ARAP2: variants seen among roughly 807,000 people sequenced by gnomAD.
The protein encoded by ARAP2 is arf-GAP with Rho-GAP domain, ANK repeat and PH domain-containing protein 2.
ARAP2 carries 148 observed loss-of-function variants against 194.5 expected under a neutral mutation model. The ratio of observed to expected loss-of-function variants is 0.76; its 90% CI spans 0.67 to 0.87. The LOEUF (loss-of-function observed/expected upper bound fraction) is 0.87. Among genes scored for constraint, ARAP2 ranks in the 40% least tolerant of loss-of-function variants. ARAP2 has a pLI of 0.00. For synonymous variants in ARAP2, 695 were observed against 683.5 expected, an observed-to-expected ratio of 1.02 and a Z score of -0.26; for missense variants, 2,128 against 1,989.7, an observed-to-expected ratio of 1.07 and a Z score of -1.32.
At position 36,212,478 on chromosome 4, in the gene ARAP2, TA is replaced by T; in HGVS notation, c.1050del (p.Ile351Ter). The T allele has an allele frequency of 1.2e-6, 2 of 1,611,368 alleles. No individual in the cohort carries two copies. The highest frequency in any genetic ancestry group is 1.7e-6 in the Non-Finnish European group (2 of 1,178,220). On this transcript the variant is annotated frameshift_variant, in exon 5 of 33. Coordinates refer to ENST00000303965, the MANE Select transcript of ARAP2 (RefSeq NM_015230.4). LOFTEE classifies it high-confidence loss of function. ...FQRLENSKKR[S>X]IKNEFLTQGE... ...CCCTGGGTCAAAAATTCATTCTTTA[TA>T]GATCGCTTCTATTAAAAAAGCAAAC...
chr4:36,147,413 C>T, intron 18 of ARAP2, 54 bp from the exon 19 acceptor site: 1 of 1,586,798 alleles, frequency 6.3e-7, no homozygotes, highest in African/African-American at 1.3e-5. Context: ...GTAATAAACA[C>T]CCATGAAGAC....
intron 13 of ARAP2, 114 bp from the exon 14 acceptor site, chr4:36,159,619 C>T (rs998229986): frequency 1.1e-6 from 1 of 930,518 alleles, no homozygotes; most frequent in East Asian, 3.2e-5. Flanking sequence ...TTCCTTTTAT[C>T]CTAAGGCGGC....
chr4:36,228,503 C>A, intron 2 of ARAP2, 79 bp downstream of exon 2: 3 of 1,401,400 alleles, frequency 2.1e-6, no homozygotes, highest in Non-Finnish European at 2.9e-6. Context: ...TAGATAGGAA[C>A]ACTGAAAATA....
intron 19 of ARAP2, among the ~76,000 whole-genome samples, chr4:36,135,599 T>C (rs545787089): frequency 1.2e-4 from 18 of 151,946 alleles, no homozygotes; most frequent in African/African-American, 3.9e-4. Flanking sequence ...GCTACAGCCT[T>C]TTCATTGATC....
At chr4:36,169,051 A>G (rs1477672679) in intron 9 of ARAP2, among the ~76,000 whole-genome samples, 1 of 151,924 alleles carries the variant, frequency 6.6e-6, no homozygotes, top group Admixed American at 6.6e-5. Context: ...GTGATTGGGA[A>G]CTCAATCTCT....
At chr4:36,207,588 T>G (rs1209408257) in intron 6 of ARAP2, among the ~76,000 whole-genome samples, 1 of 152,196 alleles carries the variant, frequency 6.6e-6, no homozygotes, top group Non-Finnish European at 1.5e-5. Context: ...CAAAAGTAAA[T>G]AGACAACCAT....
At chr4:36,022,529 C>T (rs1289996432) in intron 5 of ARAP2, among the ~76,000 whole-genome samples, 1 of 152,042 alleles carries the variant, frequency 6.6e-6, no homozygotes, top group African/African-American at 2.4e-5. Context: ...AAAGCAATTA[C>T]ATTTACATGA....
intron 15 of ARAP2, 37 bp downstream of exon 15, chr4:36,158,693 T>G (rs764158489): frequency 1.3e-6 from 2 of 1,527,060 alleles, no homozygotes; most frequent in Admixed American, 2.0e-5. Flanking sequence ...GAATAAAGTT[T>G]TTATCTGATA....
chr4:36,231,076 C>T (rs1457372562), intron 1 of ARAP2, among the ~76,000 whole-genome samples: 1 of 152,170 alleles, frequency 6.6e-6, no homozygotes, highest in Non-Finnish European at 1.5e-5. Flanking sequence ...GTGGCTCACG[C>T]CTGTAATCCC....
intron 25 of ARAP2, 61 bp downstream of exon 25, chr4:36,116,999 TA>T: frequency 8.9e-7 from 1 of 1,123,762 alleles, no homozygotes; most frequent in South Asian, 1.9e-5. Flanking sequence ...TCAAAATATA[TA>T]AAATAATGCT....
intron 2 of ARAP2, among the ~76,000 whole-genome samples, chr4:36,222,819 C>T (rs1055351770): frequency 2.6e-5 from 4 of 151,680 alleles, no homozygotes; most frequent in Admixed American, 6.6e-5. Flanking sequence ...ATAATTTTGT[C>T]TTAATATTTT....
chr4:36,107,485 A>G lies in ARAP2; in HGVS notation c.4285+80T>C, dbSNP rs1465634215. On this transcript the variant is annotated intron_variant, in intron 27 of 32. Coordinates refer to ENST00000303965, the MANE Select transcript of ARAP2 (RefSeq NM_015230.4). ...AGCTACTCGTTTTTCACATTTTCAA[A>G]TATTACTTGTGCCATATTAATTACC... 4.2e-6 allele frequency: 6 copies of G among 1,413,054 alleles called. No individual in the cohort carries two copies. In the East Asian group the frequency reaches 1.2e-4, roughly 29 times the overall value. 87.5% of individuals were successfully genotyped at this position (1,413,054 alleles called of 1,614,324 possible). A position where few individuals can be genotyped will look rare whatever the true frequency, so the allele number is the denominator to read the frequency against.
At position 36,042,109 on chromosome 4, in the gene ARAP2, T is replaced by C. The variant is rs371126450; in HGVS notation, n.607+3870A>G. On this transcript the variant is annotated intron_variant and non_coding_transcript_variant, in intron 5 of 12. Coordinates refer to the ARAP2 transcript ENST00000503225. Reference sequence around the variant, plus strand: ...CACCTGGGTGATGAAATAATATGTATGACAAGCCCCCATGACACGTTTACC... The same window carrying C: ...CACCTGGGTGATGAAATAATATGTACGACAAGCCCCCATGACACGTTTACC... 5.9e-5 allele frequency among the ~76,000 whole-genome samples: 9 copies of C among 152,230 alleles called. No individual in the cohort carries two copies. In the East Asian group the frequency reaches 1.2e-3, roughly 20 times the overall value.
intron 1 of ARAP2, among the ~76,000 whole-genome samples, chr4:36,231,434 T>C (rs1751447838): frequency 6.6e-6 from 1 of 152,172 alleles, no homozygotes; most frequent in South Asian, 2.1e-4. Context: ...ACTCTTTTTC[T>C]ACACAATTAT....
At position 36,158,854 on chromosome 4, in the gene ARAP2, T is replaced by C; in HGVS notation, c.2628A>G (p.Gln876=). 1 of 1,584,638 alleles carries C rather than the reference T, an allele frequency of 6.3e-7. No homozygotes were observed. The highest frequency in any genetic ancestry group is 1.4e-5 in the African/African-American group (1 of 73,342). ...LYHNKFSDFP[Q]HDIHSEGVLS... is the part of the protein sequence containing the mutation. ...ATACACCCTCGGAATGAATATCATGTTGAGGGAAATCTAGAAAAATTAAAG... is the reference window on the plus strand; with the variant it reads ...ATACACCCTCGGAATGAATATCATGCTGAGGGAAATCTAGAAAAATTAAAG... Residue 876 remains glutamine (Q), a synonymous_variant, in exon 15 of 33, where the codon CAA becomes CAG. Coordinates refer to ENST00000303965, the MANE Select transcript of ARAP2 (RefSeq NM_015230.4).
At chr4:36,138,923 C>T (rs1727511964) in intron 19 of ARAP2, among the ~76,000 whole-genome samples, 1 of 151,660 alleles carries the variant, frequency 6.6e-6, no homozygotes, top group Non-Finnish European at 1.5e-5. Context: ...TTGTATTTCT[C>T]TGGTACTTAA....
chr4:36,127,116 G>A (rs955791033), intron 21 of ARAP2, among the ~76,000 whole-genome samples: 11 of 152,032 alleles, frequency 7.2e-5, no homozygotes, highest in Admixed American at 3.9e-4. Context: ...GATTATAGGC[G>A]TGAGCCACTG....
intron 28 of ARAP2, among the ~76,000 whole-genome samples, chr4:36,091,014 C>G (rs1713476821): frequency 1.3e-5 from 2 of 151,954 alleles, no homozygotes; most frequent in African/African-American, 4.8e-5. Flanking sequence ...CTTTTTTTAT[C>G]CTAATGCTTT....
intron 2 of ARAP2, among the ~76,000 whole-genome samples, chr4:36,227,009 G>T (rs1287029806): frequency 6.6e-6 from 1 of 152,164 alleles, no homozygotes. Context: ...TAAAGCTAAA[G>T]TGTCAAACAA....
Sources: gnomAD v4.1 joint callset for allele counts (sites outside exome capture counted in the v4.1 genomes callset) on GRCh38, gnomAD v4.1.1 for gene constraint, MANE v1.5 for transcripts, NCBI Gene and HGNC (gene_info 2026-07-23, HGNC 2026-07-21) for gene names.